Variants in IL12RB2 observed in about 807,000 individuals in gnomAD.
IL12RB2 encodes the protein interleukin-12 receptor subunit beta-2.
IL12RB2 carries 82 observed loss-of-function variants against 89.4 expected under a neutral mutation model. That is an observed-to-expected ratio of 0.92 (90% CI 0.77 to 1.10). IL12RB2 has a LOEUF of 1.10. Among genes scored for constraint, IL12RB2 ranks in the 50% least tolerant of loss-of-function variants. The probability of loss-of-function intolerance (pLI) is 0.00; values close to 1 mark genes in which losing one functional copy is unlikely to be tolerated. For synonymous variants in IL12RB2, 368 were observed against 370.1 expected, an observed-to-expected ratio of 0.99 and a Z score of 0.07; for missense variants, 963 against 1,031.9, an observed-to-expected ratio of 0.93 and a Z score of 0.92.
intron 4 of IL12RB2, among the ~76,000 whole-genome samples, chr1:67,325,561 G>A (rs774810327): frequency 5.9e-5 from 9 of 152,134 alleles, no homozygotes; most frequent in Non-Finnish European, 1.0e-4. Flanking sequence ...CGCATCCAGC[G>A]AAAAGAGACT....
chr1:67,389,020 T>A (rs549504691), intron 15 of IL12RB2, among the ~76,000 whole-genome samples: 1 of 152,062 alleles, frequency 6.6e-6, no homozygotes, highest in East Asian at 1.9e-4. Context: ...ATTGTGAAGA[T>A]CAGTTACAGT....
intron 9 of IL12RB2, among the ~76,000 whole-genome samples, chr1:67,343,533 T>C (rs1053855331): frequency 7.9e-5 from 12 of 152,142 alleles, no homozygotes; most frequent in African/African-American, 1.9e-4. Flanking sequence ...AGCCCCAGGG[T>C]TGGATTAGGC....
At chr1:67,368,109 C>G in intron 11 of IL12RB2, 84 bp downstream of exon 11, 1 of 857,776 alleles carries the variant, frequency 1.2e-6, no homozygotes, top group South Asian at 1.4e-5. Flanking sequence ...CAGAACCCTG[C>G]CTTCAATTAC....
At chr1:67,346,332 T>C (rs939276532) in intron 9 of IL12RB2, among the ~76,000 whole-genome samples, 2 of 151,434 alleles carry the variant, frequency 1.3e-5, no homozygotes, top group African/African-American at 4.9e-5. Flanking sequence ...GATCCTTAGA[T>C]AGTTTCAATG....
chr1:67,396,370 G>T lies in IL12RB2; in HGVS notation c.*281G>T. 1 of 528,948 alleles carries T rather than the reference G, an allele frequency of 1.9e-6. No individual in the cohort carries two copies. Among genetic ancestry groups the T allele is most frequent in the Non-Finnish European group, 3.4e-6 (1 of 291,082 alleles). 32.8% of individuals were successfully genotyped at this position (528,948 alleles called of 1,614,324 possible). On this transcript the variant is annotated 3_prime_UTR_variant, in exon 17 of 17. Coordinates refer to ENST00000674203, the MANE Select transcript of IL12RB2 (RefSeq NM_001374259.2). ...TTCCTAGTAACTTTCTTGGTATGCTGGCCAGAAAGGGAAATGAGGAGGAGA... is the reference window on the plus strand; with the variant it reads ...TTCCTAGTAACTTTCTTGGTATGCTTGCCAGAAAGGGAAATGAGGAGGAGA...
chr1:67,339,482 G>A lies in IL12RB2; in HGVS notation c.1038+779G>A, dbSNP rs552240309. The stretch of plus-strand genomic sequence containing the variant: ...AGCTTGGGTGACAGAGTGAGACTAC[G>A]TTTCAAAAAAAAAAAAAAAAGAAAA... On this transcript the variant is annotated intron_variant, in intron 9 of 16. Coordinates refer to ENST00000674203, the MANE Select transcript of IL12RB2 (RefSeq NM_001374259.2). 4.4e-5 allele frequency among the ~76,000 whole-genome samples: 6 copies of A among 135,190 alleles called. No homozygotes were observed. In the South Asian group the frequency reaches 9.3e-4, roughly 21 times the overall value. The allele number at this position is 135,190 out of a possible 152,430, so 88.7% of individuals were successfully genotyped here. A position where few individuals can be genotyped will look rare whatever the true frequency, so the allele number is the denominator to read the frequency against.
At chr1:67,362,912 T>TG (rs1336444583) in intron 10 of IL12RB2, among the ~76,000 whole-genome samples, 1 of 151,558 alleles carries the variant, frequency 6.6e-6, no homozygotes, top group Non-Finnish European at 1.5e-5. Context: ...ATTACTCGTT[T>TG]TTTTTTTTTG....
intron 2 of IL12RB2, among the ~76,000 whole-genome samples, chr1:67,319,865 A>G (rs887310268): frequency 2.6e-5 from 4 of 152,076 alleles, no homozygotes; most frequent in African/African-American, 4.8e-5. Flanking sequence ...GGAACTAGTG[A>G]CCTTATAAAA....
chr1:67,356,663 C>T (rs1476922012), intron 10 of IL12RB2, among the ~76,000 whole-genome samples: 1 of 152,146 alleles, frequency 6.6e-6, no homozygotes, highest in Non-Finnish European at 1.5e-5. Context: ...CTGGAGCTTT[C>T]CAAGCTGAAA....
chr1:67,390,017 C>T lies in IL12RB2; in HGVS notation c.1947-12C>T. The T allele has an allele frequency of 9.7e-7, 1 of 1,035,724 alleles. No homozygotes were observed. The highest frequency in any genetic ancestry group is 1.5e-6 in the Non-Finnish European group (1 of 651,230). 64.2% of individuals were successfully genotyped at this position (1,035,724 alleles called of 1,614,324 possible). On this transcript the variant is annotated splice_polypyrimidine_tract_variant and intron_variant, in intron 15 of 16. Transcript: ENST00000674203. Reference sequence around the variant, plus strand: ...ACACCTAAGGAAATGTCACTGTTTTCTTTATCTATAGGGTGTTTGTTCTCC... The same window carrying T: ...ACACCTAAGGAAATGTCACTGTTTTTTTTATCTATAGGGTGTTTGTTCTCC...
chr1:67,308,414 G>C (rs923312455), intron 1 of IL12RB2, among the ~76,000 whole-genome samples: 1 of 152,110 alleles, frequency 6.6e-6, no homozygotes, highest in Non-Finnish European at 1.5e-5. Flanking sequence ...ATGTGAGTAA[G>C]ATATTGGGGG....
At chr1:67,364,620 TAAC>T (rs1662479887) in intron 10 of IL12RB2, among the ~76,000 whole-genome samples, 1 of 152,108 alleles carries the variant, frequency 6.6e-6, no homozygotes, top group African/African-American at 2.4e-5. Context: ...TGTATGGACT[TAAC>T]AACAATCAAA....
chr1:67,363,211 A>ATTTTT (rs199805464), intron 10 of IL12RB2, among the ~76,000 whole-genome samples: 11 of 97,202 alleles, frequency 1.1e-4, no homozygotes, highest in South Asian at 3.5e-4. Flanking sequence ...AATTATTCTT[A>ATTTTT]TTTTTTTTTT....
intron 10 of IL12RB2, among the ~76,000 whole-genome samples, chr1:67,365,983 A>T (rs1662623328): frequency 6.6e-6 from 1 of 152,178 alleles, no homozygotes; most frequent in African/African-American, 2.4e-5. Flanking sequence ...GCTAGGTAAG[A>T]TACTGTTGAA....
chr1:67,318,650 G>A (rs539631075), intron 2 of IL12RB2, among the ~76,000 whole-genome samples: 20 of 152,224 alleles, frequency 1.3e-4, no homozygotes, highest in South Asian at 4.1e-4. Context: ...AATATCATTC[G>A]CTGAGATAGA....
chr1:67,379,717 G>A (rs953235629), intron 13 of IL12RB2, among the ~76,000 whole-genome samples: 24 of 151,534 alleles, frequency 1.6e-4, no homozygotes, highest in Non-Finnish European at 4.4e-5. Flanking sequence ...ACAAAAAAGA[G>A]AAAAGAAAAT....
chr1:67,317,765 A>G (rs1655962009), intron 2 of IL12RB2, among the ~76,000 whole-genome samples: 1 of 152,192 alleles, frequency 6.6e-6, no homozygotes, highest in South Asian at 2.1e-4. Context: ...TTCTTTCAAT[A>G]GACATTTGTT....
chr1:67,317,156 G>A (rs961717077), intron 2 of IL12RB2, among the ~76,000 whole-genome samples: 3 of 152,138 alleles, frequency 2.0e-5, no homozygotes, highest in African/African-American at 2.4e-5. Context: ...GGCATGGGAC[G>A]GGCAGGAGTA....
At chr1:67,339,140 GAGA>G (rs1659220812) in intron 9 of IL12RB2, among the ~76,000 whole-genome samples, 1 of 152,192 alleles carries the variant, frequency 6.6e-6, no homozygotes. Flanking sequence ...ATTGAAGAGG[GAGA>G]AGGAGGAAAG....
Sources: gnomAD v4.1 joint callset for allele counts (sites outside exome capture counted in the v4.1 genomes callset) on GRCh38, gnomAD v4.1.1 for gene constraint, MANE v1.5 for transcripts, NCBI Gene and HGNC (gene_info 2026-07-23, HGNC 2026-07-21) for gene names.